Variants in RBM22 observed in about 807,000 individuals in gnomAD.
RBM22 encodes pre-mRNA-splicing factor RBM22.
Under a neutral mutation model 50.1 loss-of-function variants are expected in RBM22, and 1 was observed. The ratio of observed to expected loss-of-function variants is 0.02; its 90% CI spans 0.01 to 0.09. RBM22 has a LOEUF of 0.09. Among genes scored for constraint, RBM22 ranks in the 10% least tolerant of loss-of-function variants. The pLI, the probability that RBM22 is intolerant of heterozygous loss-of-function variation, is 1.00. For missense variants in RBM22, 264 were observed against 529.3 expected, an observed-to-expected ratio of 0.50 and a Z score of 4.92; for synonymous variants, 152 against 179.0, an observed-to-expected ratio of 0.85 and a Z score of 1.20.
intron 1 of RBM22, 143 bp downstream of exon 1, chr5:150,700,789 G>A: frequency 6.4e-7 from 1 of 1,571,224 alleles, no homozygotes; most frequent in South Asian, 1.2e-5. Flanking sequence ...ATCGCCCTCC[G>A]CCCTCCTGCT....
intron 3 of RBM22, 51 bp downstream of exon 3, chr5:150,699,191 G>A (rs1442325672): frequency 1.9e-6 from 3 of 1,559,012 alleles, no homozygotes; most frequent in South Asian, 2.4e-5. Context: ...TAATTTGGTA[G>A]AGAAAAGAAA....
At chr5:150,699,216 C>A (rs931534486) in intron 3 of RBM22, 26 bp downstream of exon 3, 17 of 1,578,468 alleles carry the variant, frequency 1.1e-5, no homozygotes, top group African/African-American at 1.4e-5. Context: ...AAACAGAAAT[C>A]ATTACTCTTT....
At position 150,691,111 on chromosome 5, in the gene RBM22, C is replaced by T. The variant is rs1759202078; in HGVS notation, c.*640G>A. 6.6e-6 allele frequency: 1 copy of T among 152,316 alleles called. No homozygotes were observed. The highest frequency in any genetic ancestry group is 1.5e-5 in the Non-Finnish European group (1 of 68,052). 9.4% of individuals were successfully genotyped at this position (152,316 alleles called of 1,614,324 possible). A position where few individuals can be genotyped will look rare whatever the true frequency, so the allele number is the denominator to read the frequency against. ...GCTCCATGAAATTTGTGTTTCCATC[C>T]AGTTGACAGGAATAAAAAGGAATTT... On this transcript the variant is annotated 3_prime_UTR_variant, in exon 11 of 11. Coordinates refer to ENST00000199814, the MANE Select transcript of RBM22 (RefSeq NM_018047.3).
At chr5:150,697,178 T>G in intron 4 of RBM22, among the ~76,000 whole-genome samples, 1 of 152,138 alleles carries the variant, frequency 6.6e-6, no homozygotes, top group Non-Finnish European at 1.5e-5. Context: ...TCCTAGCACT[T>G]TGCAAGGCTG....
At position 150,695,687 on chromosome 5, in the gene RBM22, G is replaced by C. The variant is rs1488572592; in HGVS notation, c.565C>G (p.Pro189Ala). ...CPYRHEKPTDPDDPLADQNIK... is the reference protein window; with the variant it reads ...CPYRHEKPTDADDPLADQNIK... ...TTCTGATCAGCAAGGGGGTCATCTG[G>C]ATCTGTAGGCTTCTCATGTCTATGA... is the stretch of plus-strand genomic sequence containing the variant. Residue 189 changes from proline to alanine, a missense_variant, in exon 7 of 11, where the codon CCA becomes GCA. By Grantham distance (27) the Pro-to-Ala change is conservative (BLOSUM62 -1). Coordinates refer to ENST00000199814, the MANE Select transcript of RBM22 (RefSeq NM_018047.3). 1.2e-6 allele frequency: 2 copies of C among 1,610,400 alleles called. No homozygotes were observed. Among genetic ancestry groups the C allele is most frequent in the Non-Finnish European group, 8.5e-7 (1 of 1,178,804 alleles).
At position 150,694,095 on chromosome 5, in the gene RBM22, G is replaced by A. The variant is rs779723271; in HGVS notation, c.892C>T (p.Leu298=). 1.9e-6 allele frequency: 3 copies of A among 1,613,448 alleles called. No homozygotes were observed. Among genetic ancestry groups the A allele is most frequent in the Non-Finnish European group, 2.5e-6 (3 of 1,179,946 alleles). ...FNKLIVNGRR[L]NVKWGRSQAA... ...TCTCACCTTCCCCATTTCACATTCA[G>A]TCTGCGGCCATTTACAATCAACTTA... Residue 298 remains leucine (L), a synonymous_variant, in exon 8 of 11, where the codon CTG becomes TTG. Coordinates refer to ENST00000199814, the MANE Select transcript of RBM22 (RefSeq NM_018047.3).
rs1189169059 is a variant in RBM22, at chr5:150,691,115, T to A, written c.*636A>T. The A allele has an allele frequency of 6.6e-6, 1 of 152,380 alleles. No homozygotes were observed. The highest frequency in any genetic ancestry group is 1.5e-5 in the Non-Finnish European group (1 of 68,050). The allele number at this position is 152,380 out of a possible 1,614,324, so 9.4% of individuals were successfully genotyped here. A position where few individuals can be genotyped will look rare whatever the true frequency, so the allele number is the denominator to read the frequency against. ...CATGAAATTTGTGTTTCCATCCAGTTGACAGGAATAAAAAGGAATTTTTAT... is the reference window on the plus strand; with the variant it reads ...CATGAAATTTGTGTTTCCATCCAGTAGACAGGAATAAAAAGGAATTTTTAT... On this transcript the variant is annotated 3_prime_UTR_variant, in exon 11 of 11. Coordinates refer to ENST00000199814, the MANE Select transcript of RBM22 (RefSeq NM_018047.3).
At chr5:150,700,254 C>T (rs1466095179) in intron 2 of RBM22, among the ~76,000 whole-genome samples, 190 bp downstream of exon 2, 4 of 152,218 alleles carry the variant, frequency 2.6e-5, no homozygotes, top group Non-Finnish European at 5.9e-5. Context: ...ATCGTTATTA[C>T]CCCTACATTA....
chr5:150,700,578 C>T, intron 1 of RBM22, 81 bp from the exon 2 acceptor site: 1 of 1,600,756 alleles, frequency 6.2e-7, no homozygotes. Flanking sequence ...GGCGAGGGGG[C>T]GGGAAGCGAG....
At chr5:150,692,540 G>A (rs1759221582) in intron 10 of RBM22, among the ~76,000 whole-genome samples, 1 of 152,066 alleles carries the variant, frequency 6.6e-6, no homozygotes, top group Non-Finnish European at 1.5e-5. Flanking sequence ...GTGGCAGACA[G>A]GTGATAAACA....
In RBM22 at chr5:150,695,643, G is replaced by A. The variant is rs747724385; in HGVS notation, c.609C>T (p.Tyr203=). The A allele has an allele frequency of 1.7e-5, 28 of 1,612,388 alleles. No homozygotes were observed. The highest frequency in any genetic ancestry group is 4.5e-5 in the East Asian group (2 of 44,864). The change falls in exon 7 of 11, where the codon TAC becomes TAT. Residue 203 remains tyrosine, a synonymous_variant. Coordinates refer to ENST00000199814, the MANE Select transcript of RBM22 (RefSeq NM_018047.3). Reference sequence around the variant, plus strand: ...TGTCAGCTACAGGATCATTGATTCCGTAATAACGGTCTTTAATATTCTGAT... The same window carrying A: ...TGTCAGCTACAGGATCATTGATTCCATAATAACGGTCTTTAATATTCTGAT... The part of the protein sequence containing the change: ...LADQNIKDRY[Y]GINDPVADKL...
intron 10 of RBM22, 79 bp downstream of exon 10, chr5:150,692,816 T>A (rs1465444049): frequency 1.4e-6 from 2 of 1,393,528 alleles, no homozygotes; most frequent in African/African-American, 2.9e-5. Flanking sequence ...GATTTGGATG[T>A]GTTGAACATG....
chr5:150,700,386 T>C, intron 2 of RBM22, 58 bp downstream of exon 2: 6 of 1,501,656 alleles, frequency 4.0e-6, no homozygotes, highest in Non-Finnish European at 5.6e-6. Context: ...CTTCACAGTG[T>C]GCAAGTACCA....
At position 150,693,350 on chromosome 5, in the gene RBM22, T is replaced by C. The variant is rs1026939871; in HGVS notation, c.912-43A>G. 3 of 1,466,130 alleles carry C rather than the reference T, an allele frequency of 2.0e-6. No individual in the cohort carries two copies. The African/African-American group carries it at 4.2e-5, about 20-fold the overall frequency. 90.8% of individuals were successfully genotyped at this position (1,466,130 alleles called of 1,614,324 possible). On this transcript the variant is annotated intron_variant, in intron 8 of 10. Coordinates refer to ENST00000199814, the MANE Select transcript of RBM22 (RefSeq NM_018047.3). The stretch of plus-strand genomic sequence containing the variant: ...ATACAGTCGGCACTCTGGCCCACCT[T>C]ATCTCACACCTCTGCTTCTTACATT...
At position 150,696,924 on chromosome 5, in the gene RBM22, T is replaced by TG; in HGVS notation, c.272-34dup. ...AAAAAAAGAGGAAAAAGACCTCAGA[T>TG]GTATTTTAAAACATATCCATACTAA... On this transcript the variant is annotated intron_variant, in intron 4 of 10. Coordinates refer to ENST00000199814, the MANE Select transcript of RBM22 (RefSeq NM_018047.3). This position sits in a 1 kb window ranked among gnomAD's most constrained non-coding sequence, Gnocchi z 4.3. 6.3e-7 allele frequency: 1 copy of TG among 1,593,864 alleles called. No homozygotes were observed. Among genetic ancestry groups the TG allele is most frequent in the Non-Finnish European group, 8.6e-7 (1 of 1,161,920 alleles).
At chr5:150,692,207 A>G (rs1340178255) in intron 10 of RBM22, among the ~76,000 whole-genome samples, 1 of 152,190 alleles carries the variant, frequency 6.6e-6, no homozygotes, top group African/African-American at 2.4e-5. Flanking sequence ...CTGATGGCAA[A>G]GACTGTGTCA....
intron 1 of RBM22, 147 bp downstream of exon 1, chr5:150,700,785 C>T (rs1351482052): frequency 1.9e-6 from 3 of 1,566,150 alleles, no homozygotes; most frequent in African/African-American, 1.4e-5. Context: ...GAGGATCGCC[C>T]TCCGCCCTCC....
In RBM22 at chr5:150,698,622, T is replaced by G; in HGVS notation, c.148A>C (p.Arg50=). The G allele has an allele frequency of 6.2e-7, 1 of 1,614,044 alleles. No homozygotes were observed. Among genetic ancestry groups the G allele is most frequent in the South Asian group, 1.1e-5 (1 of 91,084 alleles). Residue 50 remains arginine, a synonymous_variant, in exon 4 of 11, where the codon AGG becomes CGG. Coordinates refer to ENST00000199814, the MANE Select transcript of RBM22 (RefSeq NM_018047.3). ...CACCAGCGAAACACTGTGAATGGCC[T>G]GGCACAGATCTGGAACACAAAGCAA... The part of the protein sequence containing the change: ...KYGKECKICA[R]PFTVFRWCPG...
At chr5:150,700,760 C>T (rs1759337531) in intron 1 of RBM22, 172 bp downstream of exon 1, 3 of 1,545,770 alleles carry the variant, frequency 1.9e-6, no homozygotes, top group Non-Finnish European at 2.6e-6. Flanking sequence ...AAGCCCCCTC[C>T]CTTCAAGCCC....
Sources: allele counts gnomAD v4.1 joint callset (sites outside exome capture counted in the v4.1 genomes callset), GRCh38; gene constraint gnomAD v4.1.1; non-coding constraint Gnocchi (gnomAD v3.1); transcripts MANE v1.5; gene names NCBI Gene and HGNC (gene_info 2026-07-23, HGNC 2026-07-21).